Variants in COL5A1 observed in about 807,000 individuals in gnomAD.
The protein encoded by COL5A1 is collagen alpha-1(V) chain.
In COL5A1, 16 loss-of-function variants were observed where a neutral mutation model predicts 263.7. The ratio of observed to expected loss-of-function variants is 0.06; its 90% CI spans 0.04 to 0.09. The LOEUF (loss-of-function observed/expected upper bound fraction) is 0.09, where lower values mean the gene tolerates loss of function less well. COL5A1 is among the 10% of genes least tolerant of loss of function. The pLI is 1.00. For missense variants in COL5A1, 2,036 were observed against 2,540.5 expected (o/e 0.80, Z 4.27); for synonymous variants, 1,012 against 1,004.5 (o/e 1.01, Z -0.14).
intron 9 of COL5A1, among the ~76,000 whole-genome samples, chr9:134,735,242 T>C (rs1212855941): frequency 6.7e-6 from 1 of 149,906 alleles, no homozygotes; most frequent in Non-Finnish European, 1.5e-5. Context: ...GCATTGAAGG[T>C]GTGCAGCATG....
intron 52 of COL5A1, 96 bp downstream of exon 52, chr9:134,816,084 C>T: frequency 8.5e-7 from 1 of 1,181,738 alleles, no homozygotes; most frequent in Non-Finnish European, 1.3e-6. Flanking sequence ...AAAACTCCAA[C>T]CTAGTTGATA....
intron 32 of COL5A1, among the ~76,000 whole-genome samples, chr9:134,793,871 A>G (rs1564463135): frequency 1.3e-5 from 2 of 152,264 alleles, no homozygotes; most frequent in African/African-American, 2.4e-5. Context: ...AAAAAGCTAC[A>G]TAATTAACTC....
At chr9:134,703,163 G>A (rs191408665) in intron 4 of COL5A1, among the ~76,000 whole-genome samples, 1 of 152,228 alleles carries the variant, frequency 6.6e-6, no homozygotes, top group Non-Finnish European at 1.5e-5. Flanking sequence ...TCAGTTTCCA[G>A]GAAGCTGTAG....
Position 134,765,961 on chromosome 9 carries a change from G to A in COL5A1, c.2088+227G>A, listed in dbSNP as rs12351175. Reference sequence around the variant, plus strand: ...GGAGGCCCGAGGCTGCCGGCCTCACGCCTCCGCTTCACCCTGGCTGCACTT... The same window carrying A: ...GGAGGCCCGAGGCTGCCGGCCTCACACCTCCGCTTCACCCTGGCTGCACTT... On this transcript the variant is annotated intron_variant, in intron 21 of 65. Coordinates refer to ENST00000371817, the MANE Select transcript of COL5A1 (RefSeq NM_000093.5). This position sits in a 1 kb window ranked among gnomAD's most constrained non-coding sequence, Gnocchi z 5.1. Among the ~76,000 whole-genome samples, 2,742 of 152,336 alleles carry A rather than the reference G, an allele frequency of 0.018. 82 individuals carry two copies. Among genetic ancestry groups the A allele is most frequent in the African/African-American group, 0.063 (2,603 of 41,558 alleles).
chr9:134,841,492 C>T lies in COL5A1; in HGVS notation c.5371-665C>T, dbSNP rs1267474325. ...TTTGAGCAAGGGATGGGTGCTGACTCATCCTGCAGGCCAGGTTCATTGCAC... is the reference window on the plus strand; with the variant it reads ...TTTGAGCAAGGGATGGGTGCTGACTTATCCTGCAGGCCAGGTTCATTGCAC... On this transcript the variant is annotated intron_variant, in intron 65 of 65. Transcript: ENST00000371817. This position sits in a 1 kb window ranked among gnomAD's most constrained non-coding sequence, Gnocchi z 4.8. 6.6e-6 allele frequency among the ~76,000 whole-genome samples: 1 copy of T among 152,144 alleles called. No individual in the cohort carries two copies. The highest frequency in any genetic ancestry group is 1.5e-5 in the Non-Finnish European group (1 of 68,016).
At chr9:134,723,965 C>T (rs77286367) in intron 4 of COL5A1, among the ~76,000 whole-genome samples, 153 of 152,304 alleles carry the variant, frequency 1.0e-3, no homozygotes, top group African/African-American at 3.5e-3. Context: ...ACATACCCCA[C>T]TCTCTTCCCC....
At chr9:134,690,225 T>C (rs1316167256) in intron 1 of COL5A1, among the ~76,000 whole-genome samples, 1 of 152,108 alleles carries the variant, frequency 6.6e-6, no homozygotes, top group African/African-American at 2.4e-5. Flanking sequence ...TCTGGCGATG[T>C]GGGCAGGGGT....
Position 134,765,698 on chromosome 9 carries a change from T to C in COL5A1, c.2052T>C (p.Leu684=). The C allele has an allele frequency of 6.2e-7, 1 of 1,613,790 alleles. No individual in the cohort carries two copies. Among genetic ancestry groups the C allele is most frequent in the Admixed American group, 1.7e-5 (1 of 59,994 alleles). The change falls in exon 21 of 66, where the codon CTT becomes CTC. Residue 684 remains leucine (L), a synonymous_variant. Coordinates refer to ENST00000371817, the MANE Select transcript of COL5A1 (RefSeq NM_000093.5). The surrounding 1 kb of genome is among the most constrained non-coding windows in gnomAD (Gnocchi z 5.1). ...TCTTACAGGGGCCACGTGGTCTGCT[T>C]GGGCCGAAGGGGCCCCCAGGTCCTC... ...LPGEPGPRGL[L]GPKGPPGPPG... is the part of the protein sequence containing the mutation.
chr9:134,782,485 G>T, intron 28 of COL5A1, 182 bp from the exon 29 acceptor site: 1 of 702,552 alleles, frequency 1.4e-6, no homozygotes, highest in Non-Finnish European at 2.6e-6. Context: ...AGCTGGGAAC[G>T]CAGAGCTCAT....
At chr9:134,762,546 G>A (rs1836494870) in intron 19 of COL5A1, among the ~76,000 whole-genome samples, 1 of 152,210 alleles carries the variant, frequency 6.6e-6, no homozygotes. Context: ...TTCATGTGTG[G>A]AGGCGAAGTG....
At chr9:134,713,417 G>A (rs1037256239) in intron 4 of COL5A1, among the ~76,000 whole-genome samples, 4 of 152,232 alleles carry the variant, frequency 2.6e-5, no homozygotes, top group Non-Finnish European at 5.9e-5. Context: ...TCTTCCTGAC[G>A]ATGGTTGATT....
At chr9:134,792,965 T>G (rs1011575654) in intron 32 of COL5A1, among the ~76,000 whole-genome samples, 1 of 152,098 alleles carries the variant, frequency 6.6e-6, no homozygotes, top group African/African-American at 2.4e-5. Context: ...CTGCCTGCTG[T>G]CTGCCTGCTG....
rs549475007 is a variant in COL5A1 at position 134,792,890 on chromosome 9, T to C, written c.2701-2192T>C. ...GCGCGCGTTTGTGCACACGTGTGTGTGCGCGCGTGTGTGCACGCGCGTGTG... is the reference window on the plus strand; with the variant it reads ...GCGCGCGTTTGTGCACACGTGTGTGCGCGCGCGTGTGTGCACGCGCGTGTG... On this transcript the variant is annotated intron_variant, in intron 32 of 65. Transcript: ENST00000371817. Among the ~76,000 whole-genome samples, 100 of 48,372 alleles carry C rather than the reference T, an allele frequency of 2.1e-3. 1 individual carries two copies. Among genetic ancestry groups the C allele is most frequent in the East Asian group, 8.1e-3 (24 of 2,974 alleles). 31.7% of individuals were successfully genotyped at this position (48,372 alleles called of 152,430 possible).
intron 1 of COL5A1, among the ~76,000 whole-genome samples, chr9:134,669,235 TCCTTCCCTTCCCTTCCCTTC>T (rs1217326937): frequency 3.0e-4 from 6 of 20,196 alleles, no homozygotes; most frequent in African/African-American, 7.5e-4. Flanking sequence ...CCCTTCCCTT[TCCTTCCCTTCCCTTCCCTTC>T]CCTTCCCTTC....
chr9:134,656,782 A>G (rs1264641841), intron 1 of COL5A1, among the ~76,000 whole-genome samples: 1 of 151,026 alleles, frequency 6.6e-6, no homozygotes, highest in Non-Finnish European at 1.5e-5. Context: ...TGAAAGAAGG[A>G]CTAAAGCTGC....
Position 134,758,908 on chromosome 9 carries a change from C to T in COL5A1, c.1935+612C>T, listed in dbSNP as rs1315207313. 6.6e-6 allele frequency among the ~76,000 whole-genome samples: 1 copy of T among 152,120 alleles called. No individual in the cohort carries two copies. Among genetic ancestry groups the T allele is most frequent in the Non-Finnish European group, 1.5e-5 (1 of 68,026 alleles). Reference sequence around the variant, plus strand: ...AGATGCGGCAGCTTTGGATAAACGGCAACAGCCAAGCCCCTCGAATCTTGA... The same window carrying T: ...AGATGCGGCAGCTTTGGATAAACGGTAACAGCCAAGCCCCTCGAATCTTGA... On this transcript the variant is annotated intron_variant, in intron 18 of 65. Transcript: ENST00000371817. The surrounding 1 kb of genome is among the most constrained non-coding windows in gnomAD (Gnocchi z 4.1).
intron 32 of COL5A1, among the ~76,000 whole-genome samples, chr9:134,790,107 A>G (rs1837614829): frequency 6.6e-6 from 1 of 152,176 alleles, no homozygotes; most frequent in African/African-American, 2.4e-5. Flanking sequence ...CTGCTGTCCC[A>G]GGGCAGACAG....
At chr9:134,720,117 C>T (rs139370611) in intron 4 of COL5A1, among the ~76,000 whole-genome samples, 9 of 152,288 alleles carry the variant, frequency 5.9e-5, no homozygotes, top group Non-Finnish European at 1.3e-4. Context: ...GGTCAGGGCA[C>T]GGCCCACTGG....
intron 47 of COL5A1, 44 bp downstream of exon 47, chr9:134,812,546 C>T (rs1838564245): frequency 6.2e-7 from 1 of 1,612,562 alleles, no homozygotes; most frequent in Admixed American, 1.7e-5. Context: ...ACTAGCGGCT[C>T]ATGTTTTGGG....
Sources: gnomAD v4.1 joint callset for allele counts (sites outside exome capture counted in the v4.1 genomes callset) on GRCh38, gnomAD v4.1.1 for gene constraint, Gnocchi (gnomAD v3.1) non-coding constraint, MANE v1.5 for transcripts, NCBI Gene and HGNC (gene_info 2026-07-23, HGNC 2026-07-21) for gene names.